VWA2: variants seen among roughly 807,000 people sequenced by gnomAD.
The protein encoded by VWA2 is von Willebrand factor A domain-containing protein 2.
VWA2 carries 73 observed loss-of-function variants against 70.4 expected under a neutral mutation model. The observed-to-expected ratio is 1.04, with a 90% confidence interval of 0.86 to 1.26. The LOEUF (loss-of-function observed/expected upper bound fraction) is 1.26. Among genes scored for constraint, VWA2 ranks in the 50% most tolerant of loss-of-function variants. The probability of loss-of-function intolerance (pLI) is 0.00; values close to 1 mark genes in which losing one functional copy is unlikely to be tolerated. For synonymous variants in VWA2, 407 were observed against 423.3 expected (o/e 0.96, Z 0.47); for missense variants, 1,011 against 998.5 (o/e 1.01, Z -0.17).
At chr10:114,282,171 T>G (rs1417468092) in intron 8 of VWA2, among the ~76,000 whole-genome samples, 1 of 152,044 alleles carries the variant, frequency 6.6e-6, no homozygotes, top group Non-Finnish European at 1.5e-5. Flanking sequence ...GCCCAGCTAA[T>G]TTTTGTATTT....
intron 11 of VWA2, among the ~76,000 whole-genome samples, chr10:114,288,305 G>A (rs574790481): frequency 6.6e-5 from 10 of 152,254 alleles, no homozygotes; most frequent in East Asian, 1.9e-4. Flanking sequence ...CCACGCTGCC[G>A]ACATCATTTG....
intron 5 of VWA2, among the ~76,000 whole-genome samples, chr10:114,272,307 C>G (rs2037726988): frequency 6.6e-6 from 1 of 152,230 alleles, no homozygotes; most frequent in Non-Finnish European, 1.5e-5. Context: ...CCTTGAAGCC[C>G]TGTCCTTCAC....
intron 5 of VWA2, among the ~76,000 whole-genome samples, chr10:114,264,487 G>T (rs760486773): frequency 6.6e-6 from 1 of 151,658 alleles, no homozygotes; most frequent in South Asian, 2.1e-4. Context: ...GTGCTATCTC[G>T]GCTCAATGCA....
intron 6 of VWA2, among the ~76,000 whole-genome samples, chr10:114,277,433 C>T (rs958369543): frequency 3.3e-5 from 5 of 152,090 alleles, no homozygotes; most frequent in Non-Finnish European, 5.9e-5. Flanking sequence ...ATCCACCCAC[C>T]TCGGCCTCCC....
chr10:114,261,948 T>TG (rs988323900), intron 5 of VWA2, among the ~76,000 whole-genome samples: 2 of 151,796 alleles, frequency 1.3e-5, no homozygotes, highest in Non-Finnish European at 1.5e-5. Flanking sequence ...AAGGCAAAGG[T>TG]GGGGGGGCAG....
chr10:114,239,425 C>T lies in VWA2; in HGVS notation c.-155C>T, dbSNP rs1258908075. The T allele has an allele frequency of 2.0e-5, 3 of 152,328 alleles. No homozygotes were observed. Among genetic ancestry groups the T allele is most frequent in the African/African-American group, 4.8e-5 (2 of 41,460 alleles). The allele number at this position is 152,328 out of a possible 1,614,324, so 9.4% of individuals were successfully genotyped here. A position where few individuals can be genotyped will look rare whatever the true frequency, so the allele number is the denominator to read the frequency against. On this transcript the variant is annotated 5_prime_UTR_variant, in exon 1 of 14. Coordinates refer to ENST00000392982, the MANE Select transcript of VWA2 (RefSeq NM_001272046.2). ...CGGGTCGGGTCGTGCCGCCCTCTCCCAGGAGAGACAAACAGGTGTCCCACG... is the reference window on the plus strand; with the variant it reads ...CGGGTCGGGTCGTGCCGCCCTCTCCTAGGAGAGACAAACAGGTGTCCCACG...
At chr10:114,261,106 C>A in intron 4 of VWA2, 80 bp from the exon 5 acceptor site, 1 of 1,053,242 alleles carries the variant, frequency 9.5e-7, no homozygotes, top group South Asian at 1.4e-5. Flanking sequence ...GGGTTGTTAA[C>A]TTTTCTTGCC....
intron 8 of VWA2, chr10:114,281,915 G>T: frequency 5.3e-6 from 1 of 187,366 alleles, no homozygotes; most frequent in Non-Finnish European, 1.0e-5. Flanking sequence ...CTACTGCATC[G>T]TAAGCCTCAG....
intron 6 of VWA2, among the ~76,000 whole-genome samples, chr10:114,276,346 A>G (rs571493141): frequency 5.3e-5 from 8 of 152,300 alleles, no homozygotes; most frequent in African/African-American, 1.9e-4. Flanking sequence ...GTGGCCCCAC[A>G]CCACTGAATC....
chr10:114,249,231 T>G (rs751601429), intron 2 of VWA2, among the ~76,000 whole-genome samples: 22 of 152,094 alleles, frequency 1.4e-4, no homozygotes, highest in Non-Finnish European at 1.9e-4. Context: ...TGTCCATATG[T>G]TCTCATTGTT....
In VWA2 at chr10:114,286,353, G is replaced by A. The variant is rs542177382; in HGVS notation, c.1412G>A (p.Arg471Gln). The A allele has an allele frequency of 1.7e-5, 28 of 1,613,720 alleles. No homozygotes were observed. Among genetic ancestry groups the A allele is most frequent in the East Asian group, 1.6e-4 (7 of 44,890 alleles). Residue 471 changes from arginine to glutamine, a missense_variant, in exon 11 of 14, where the codon CGA (arginine) becomes CAA (glutamine). Arg to Gln is a conservative substitution (Grantham distance 43, BLOSUM62 1). Transcript: ENST00000392982. ...VAGPARHARA[R>Q]ELLLLGVGSE... ...GGCCCAGCGCGTCACGCAAGGGCGC[G>A]AGAGCTGCTCCTGCTGGGTGTAGGC...
intron 5 of VWA2, among the ~76,000 whole-genome samples, chr10:114,267,352 G>A (rs2037592979): frequency 6.6e-6 from 1 of 151,956 alleles, no homozygotes; most frequent in South Asian, 2.1e-4. Context: ...CCTGACCTCA[G>A]GTGATCCACC....
chr10:114,278,918 G>A, intron 8 of VWA2, 67 bp downstream of exon 8: 1 of 1,595,862 alleles, frequency 6.3e-7, no homozygotes, highest in Non-Finnish European at 8.5e-7. Context: ...GCTGCGGGGA[G>A]GATAGTACTT....
intron 12 of VWA2, chr10:114,289,939 C>A: frequency 3.2e-6 from 1 of 316,388 alleles, no homozygotes; most frequent in Non-Finnish European, 5.9e-6. Context: ...TTGTGGTGAG[C>A]CAAGATCGCG....
intron 5 of VWA2, among the ~76,000 whole-genome samples, chr10:114,270,767 C>T (rs150934018): frequency 6.6e-5 from 10 of 152,080 alleles, no homozygotes; most frequent in African/African-American, 2.2e-4. Flanking sequence ...GAGTTGGGGG[C>T]GCTTGGGAGT....
At chr10:114,252,528 A>C (rs2037219178) in intron 2 of VWA2, among the ~76,000 whole-genome samples, 1 of 151,810 alleles carries the variant, frequency 6.6e-6, no homozygotes, top group Non-Finnish European at 1.5e-5. Context: ...CATTGGTGTC[A>C]CTCCCCCAGA....
chr10:114,254,152 G>A (rs1174845966), intron 3 of VWA2, among the ~76,000 whole-genome samples: 1 of 151,450 alleles, frequency 6.6e-6, no homozygotes. Flanking sequence ...GTTCACTGCA[G>A]CCTCAACCTC....
At chr10:114,241,515 C>T (rs1405654103) in intron 1 of VWA2, among the ~76,000 whole-genome samples, 1 of 152,162 alleles carries the variant, frequency 6.6e-6, no homozygotes, top group Non-Finnish European at 1.5e-5. Context: ...GACATTTCCC[C>T]TCCTGGCTTT....
At chr10:114,254,886 T>G (rs755556809) in intron 3 of VWA2, 29 bp from the exon 4 acceptor site, 8 of 1,603,240 alleles carry the variant, frequency 5.0e-6, no homozygotes, top group Non-Finnish European at 5.1e-6. Flanking sequence ...TTGCTCCTGG[T>G]TGTCATCTGT....
Sources: gnomAD v4.1 joint callset for allele counts (sites outside exome capture counted in the v4.1 genomes callset) on GRCh38, gnomAD v4.1.1 for gene constraint, MANE v1.5 for transcripts, NCBI Gene and HGNC (gene_info 2026-07-23, HGNC 2026-07-21) for gene names.